CSMD1: variants seen among roughly 807,000 people sequenced by gnomAD.
CSMD1 encodes CUB and sushi domain-containing protein 1.
A neutral mutation model predicts 417.5 loss-of-function variants in CSMD1; 213 were observed. The ratio of observed to expected loss-of-function variants is 0.51; its 90% CI spans 0.46 to 0.57. The LOEUF (loss-of-function observed/expected upper bound fraction) is 0.57. Among genes scored for constraint, CSMD1 ranks in the 20% least tolerant of loss-of-function variants. The pLI, the probability that CSMD1 is intolerant of heterozygous loss-of-function variation, is 0.00. For synonymous variants in CSMD1, 2,862 were observed against 1,736.8 expected (o/e 1.65, Z -16.11); for missense variants, 6,923 against 4,529.7 (o/e 1.53, Z -15.17).
intron 2 of CSMD1, among the ~76,000 whole-genome samples, chr8:4,508,974 G>T (rs913733954): frequency 1.3e-5 from 2 of 152,130 alleles, no homozygotes; most frequent in East Asian, 1.9e-4. Flanking sequence ...CTTTCCTGCG[G>T]CTGTGACATG....
At chr8:4,975,899 T>C (rs925696400) in intron 1 of CSMD1, among the ~76,000 whole-genome samples, 2 of 152,206 alleles carry the variant, frequency 1.3e-5, no homozygotes, top group African/African-American at 4.8e-5. Flanking sequence ...TTAAATAGTA[T>C]TTCCTATGTT....
chr8:4,587,719 A>G (rs912142738), intron 2 of CSMD1, among the ~76,000 whole-genome samples: 2 of 152,160 alleles, frequency 1.3e-5, no homozygotes, highest in South Asian at 4.1e-4. Flanking sequence ...CACTTATGAC[A>G]CTCTTCATAA....
intron 26 of CSMD1, among the ~76,000 whole-genome samples, chr8:3,259,021 A>AG (rs1397271852): frequency 6.6e-6 from 1 of 152,200 alleles, no homozygotes; most frequent in African/African-American, 2.4e-5. Context: ...TGATGAATCT[A>AG]GGTTAGGCAC....
intron 68 of CSMD1, among the ~76,000 whole-genome samples, chr8:2,947,619 T>G (rs1802340607): frequency 6.6e-6 from 1 of 152,168 alleles, no homozygotes; most frequent in African/African-American, 2.4e-5. Flanking sequence ...TCAAATTCAT[T>G]GGATCAGTCA....
chr8:4,973,597 A>C (rs1196097436), intron 1 of CSMD1, among the ~76,000 whole-genome samples: 1 of 152,132 alleles, frequency 6.6e-6, no homozygotes, highest in Non-Finnish European at 1.5e-5. Context: ...AATTGACTTA[A>C]AGTGTTCTCT....
chr8:4,883,962 C>T (rs1347061580), intron 1 of CSMD1, among the ~76,000 whole-genome samples: 1 of 152,020 alleles, frequency 6.6e-6, no homozygotes, highest in African/African-American at 2.4e-5. Context: ...TGCCTACGAG[C>T]CTTCCAATTT....
chr8:4,160,400 T>G (rs1647293), intron 3 of CSMD1, among the ~76,000 whole-genome samples: 4 of 152,204 alleles, frequency 2.6e-5, no homozygotes, highest in African/African-American at 9.7e-5. Context: ...GACATATATA[T>G]ACGCAACTTT....
chr8:3,607,643 A>T (rs1250653355), intron 8 of CSMD1, among the ~76,000 whole-genome samples: 5 of 152,228 alleles, frequency 3.3e-5, no homozygotes, highest in Admixed American at 2.6e-4. Context: ...AAACCATCAT[A>T]TATGCAGTCC....
chr8:4,224,477 C>G (rs1801227461), intron 3 of CSMD1, among the ~76,000 whole-genome samples: 1 of 151,752 alleles, frequency 6.6e-6, no homozygotes, highest in Admixed American at 6.6e-5. Context: ...GTTGCTCTGA[C>G]CCATCTACAC....
At chr8:4,507,924 G>A (rs530258837) in intron 2 of CSMD1, among the ~76,000 whole-genome samples, 5 of 152,152 alleles carry the variant, frequency 3.3e-5, no homozygotes, top group African/African-American at 1.2e-4. Context: ...ATGTGAATAG[G>A]CAGTGAAAAT....
chr8:4,646,022 T>G (rs1029192221), intron 1 of CSMD1, among the ~76,000 whole-genome samples: 1 of 152,166 alleles, frequency 6.6e-6, no homozygotes, highest in African/African-American at 2.4e-5. Context: ...TTCCCAGATC[T>G]CACATCGATG....
At chr8:4,487,532 A>G (rs1452477360) in intron 2 of CSMD1, among the ~76,000 whole-genome samples, 4 of 152,316 alleles carry the variant, frequency 2.6e-5, no homozygotes, top group South Asian at 4.1e-4. Context: ...TCCATGGTGT[A>G]CATGTGCCAC....
chr8:4,836,420 AG>A (rs1376312743), intron 1 of CSMD1, among the ~76,000 whole-genome samples: 1 of 152,200 alleles, frequency 6.6e-6, no homozygotes, highest in Non-Finnish European at 1.5e-5. Context: ...ATCACCAGCC[AG>A]GGGGAAGAGA....
At chr8:4,349,164 G>A (rs748114421) in intron 3 of CSMD1, among the ~76,000 whole-genome samples, 1 of 152,164 alleles carries the variant, frequency 6.6e-6, no homozygotes, top group Non-Finnish European at 1.5e-5. Context: ...ATGTGCTTTT[G>A]GTGTAATTTC....
chr8:4,032,039 G>T lies in CSMD1; in HGVS notation c.476C>A (p.Thr159Lys), dbSNP rs377017264. 3 of 1,613,732 alleles carry T rather than the reference G, an allele frequency of 1.9e-6. No individual in the cohort carries two copies. Among genetic ancestry groups the T allele is most frequent in the South Asian group, 2.2e-5 (2 of 91,082 alleles). ...GATTTTGTCTCCTATGTTGAATCTC[G>T]TTCCATGCAGAACTCCTTTCAGGAT... is the stretch of plus-strand genomic sequence containing the variant. The part of the protein sequence containing the change: ...GEILKGVLHG[T>K]RFNIGDKIRY... Residue 159 changes from threonine (T) to lysine (K), a missense_variant, in exon 4 of 70, where the codon ACG becomes AAG. Physicochemically the swap from Thr to Lys is moderately conservative, Grantham distance 78. Transcript: ENST00000635120.
intron 5 of CSMD1, among the ~76,000 whole-genome samples, chr8:3,775,409 C>T (rs1403197871): frequency 1.3e-5 from 2 of 152,108 alleles, no homozygotes; most frequent in African/African-American, 2.4e-5. Flanking sequence ...ACTCAAATTA[C>T]ACAGCAATTA....
At chr8:3,303,637 C>G (rs572660577) in intron 25 of CSMD1, among the ~76,000 whole-genome samples, 2 of 152,106 alleles carry the variant, frequency 1.3e-5, no homozygotes, top group Non-Finnish European at 2.9e-5. Context: ...GCAATTAAAG[C>G]TTAGGAACAG....
chr8:4,751,150 C>CGAGGTGGGTGGATCACCT (rs1365508496), intron 1 of CSMD1, among the ~76,000 whole-genome samples: 1 of 152,130 alleles, frequency 6.6e-6, no homozygotes, highest in East Asian at 1.9e-4. Context: ...TTTGGGAGGC[C>CGAGGTGGGTGGATCACCT]GAGGTGGGTG....
chr8:4,492,873 T>A, intron 2 of CSMD1, among the ~76,000 whole-genome samples: 1 of 152,180 alleles, frequency 6.6e-6, no homozygotes, highest in East Asian at 1.9e-4. Flanking sequence ...GCTTGAAAAA[T>A]ACATTTTTCA....
Sources: allele counts gnomAD v4.1 joint callset (sites outside exome capture counted in the v4.1 genomes callset), GRCh38; gene constraint gnomAD v4.1.1; transcripts MANE v1.5; gene names NCBI Gene and HGNC (gene_info 2026-07-23, HGNC 2026-07-21).